Variants in CTNNA2 observed in about 807,000 individuals in gnomAD.
The protein encoded by CTNNA2 is catenin alpha 2.
Under a neutral mutation model 101.0 loss-of-function variants are expected in CTNNA2, and 42 were observed. The observed-to-expected ratio is 0.42, with a 90% CI of 0.32 to 0.54. CTNNA2 has a LOEUF of 0.54. Ranked by LOEUF, CTNNA2 falls within the 20% of genes least tolerant of loss-of-function variation. CTNNA2 has a pLI of 0.14. For missense variants in CTNNA2, 871 were observed against 1,223.1 expected, an observed-to-expected ratio of 0.71 and a Z score of 4.29; for synonymous variants, 450 against 456.4, an observed-to-expected ratio of 0.99 and a Z score of 0.18.
intron 3 of CTNNA2, among the ~76,000 whole-genome samples, chr2:79,352,915 G>T (rs1489691760): frequency 6.6e-6 from 1 of 152,154 alleles, no homozygotes; most frequent in Non-Finnish European, 1.5e-5. Flanking sequence ...AAGGCAAAGG[G>T]GAAGCAGTCC....
At chr2:79,838,839 G>A (rs1237844743) in intron 3 of CTNNA2, among the ~76,000 whole-genome samples, 3 of 151,588 alleles carry the variant, frequency 2.0e-5, no homozygotes, top group Non-Finnish European at 4.4e-5. Flanking sequence ...ATGATATTAT[G>A]TATAAGATAA....
At position 79,466,161 on chromosome 2, in the gene CTNNA2, C is replaced by A. The variant is rs140111986; in HGVS notation, c.-134-38893C>A. On this transcript the variant is annotated intron_variant, in intron 4 of 21. Transcript: ENST00000466387. ...CCAAGGGTAGCTGTGACAGACAGCA[C>A]CTGGAAAATCGGGTCACTCCCACCC... 3.3e-3 allele frequency among the ~76,000 whole-genome samples: 506 copies of A among 152,302 alleles called. 7 individuals carry two copies. The highest frequency in any genetic ancestry group is 0.011 in the African/African-American group (474 of 41,566).
intron 2 of CTNNA2, among the ~76,000 whole-genome samples, chr2:79,652,959 A>C (rs1681363373): frequency 6.6e-6 from 1 of 152,158 alleles, no homozygotes; most frequent in African/African-American, 2.4e-5. Flanking sequence ...TCTCTTTATA[A>C]TCTGTCCTTG....
intron 5 of CTNNA2, among the ~76,000 whole-genome samples, chr2:79,506,147 A>T (rs770487884): frequency 1.3e-5 from 2 of 152,170 alleles, no homozygotes; most frequent in Non-Finnish European, 2.9e-5. Context: ...ACTACAGGAA[A>T]ATAATGTGTG....
At chr2:80,338,967 G>A (rs1573766315) in intron 7 of CTNNA2, among the ~76,000 whole-genome samples, 1 of 152,196 alleles carries the variant, frequency 6.6e-6, no homozygotes, top group African/African-American at 2.4e-5. Flanking sequence ...TACAATCAGA[G>A]CTGGCTATTT....
At chr2:80,036,651 G>T (rs561060074) in intron 7 of CTNNA2, among the ~76,000 whole-genome samples, 1 of 152,164 alleles carries the variant, frequency 6.6e-6, no homozygotes, top group Non-Finnish European at 1.5e-5. Context: ...AAACACTCAA[G>T]GAGATAAACA....
chr2:80,166,773 A>G (rs570619080), intron 7 of CTNNA2, among the ~76,000 whole-genome samples: 45 of 152,052 alleles, frequency 3.0e-4, no homozygotes, highest in African/African-American at 1.1e-3. Flanking sequence ...ATTTGTATTA[A>G]CTCTGGGAAG....
At chr2:79,908,685 T>C (rs1189349057) in intron 6 of CTNNA2, among the ~76,000 whole-genome samples, 2 of 152,242 alleles carry the variant, frequency 1.3e-5, no homozygotes, top group African/African-American at 4.8e-5. Context: ...GTCTTCCTTT[T>C]TGATTCTGGT....
At chr2:79,600,056 A>T (rs1407570387) in intron 1 of CTNNA2, among the ~76,000 whole-genome samples, 2 of 152,218 alleles carry the variant, frequency 1.3e-5, no homozygotes. Flanking sequence ...TTACTTTCAG[A>T]ATGCAAATTA....
chr2:80,142,525 G>A (rs1027237683), intron 7 of CTNNA2, among the ~76,000 whole-genome samples: 3 of 152,168 alleles, frequency 2.0e-5, no homozygotes, highest in African/African-American at 7.2e-5. Flanking sequence ...GAAAGAAGAC[G>A]TAATGAAGCT....
intron 7 of CTNNA2, among the ~76,000 whole-genome samples, chr2:80,051,096 A>G (rs1432486328): frequency 6.6e-6 from 1 of 152,182 alleles, no homozygotes; most frequent in African/African-American, 2.4e-5. Context: ...ACCATGAAAT[A>G]CTATTCACAA....
chr2:80,545,506 A>C (rs941425250), intron 10 of CTNNA2, among the ~76,000 whole-genome samples: 32 of 152,060 alleles, frequency 2.1e-4, no homozygotes, highest in African/African-American at 6.5e-4. Flanking sequence ...GGATTGTGCC[A>C]CTATACTCTC....
rs182050607 is a variant in CTNNA2, at chr2:79,449,560, A to G, written c.-134-55494A>G. On this transcript the variant is annotated intron_variant, in intron 4 of 21. Transcript: ENST00000466387. ...AGAAAGGTAACTCGTTAAAAAATAA[A>G]AGAAGTACCATCAATGTTTACTGGA... Among the ~76,000 whole-genome samples, 153 of 152,184 alleles carry G rather than the reference A, an allele frequency of 1.0e-3. 1 individual carries two copies. Among genetic ancestry groups the G allele is most frequent in the Middle Eastern group, 3.4e-3 (1 of 292 alleles).
chr2:79,330,548 T>C (rs1676847987), intron 3 of CTNNA2, among the ~76,000 whole-genome samples: 1 of 152,102 alleles, frequency 6.6e-6, no homozygotes, highest in African/African-American at 2.4e-5. Flanking sequence ...CCTGGCTGGG[T>C]GATATAGTTT....
intron 18 of CTNNA2, among the ~76,000 whole-genome samples, chr2:80,636,499 A>T (rs947698335): frequency 6.6e-6 from 1 of 152,054 alleles, no homozygotes; most frequent in African/African-American, 2.4e-5. Flanking sequence ...GCTCCCTTTT[A>T]GGGGTAGTGA....
At chr2:80,238,216 C>T (rs1002062019) in intron 7 of CTNNA2, among the ~76,000 whole-genome samples, 2 of 151,956 alleles carry the variant, frequency 1.3e-5, no homozygotes, top group African/African-American at 2.4e-5. Context: ...TACTCAAGAT[C>T]ATTTGAGGCT....
At chr2:80,045,321 A>G (rs1397765155) in intron 7 of CTNNA2, among the ~76,000 whole-genome samples, 2 of 152,156 alleles carry the variant, frequency 1.3e-5, no homozygotes, top group African/African-American at 4.8e-5. Flanking sequence ...TAAAACTACC[A>G]TTGTCTCATC....
chr2:80,342,718 G>A (rs1239654138), intron 7 of CTNNA2, among the ~76,000 whole-genome samples: 1 of 151,666 alleles, frequency 6.6e-6, no homozygotes, highest in African/African-American at 2.4e-5. Context: ...CATGTTTTTT[G>A]TTTACTCATT....
At chr2:79,223,390 G>T (rs954680536) in intron 2 of CTNNA2, among the ~76,000 whole-genome samples, 4 of 152,146 alleles carry the variant, frequency 2.6e-5, no homozygotes, top group Non-Finnish European at 5.9e-5. Context: ...ATCCTGGGGG[G>T]ACTCAGACAG....
Sources: gnomAD v4.1 joint callset for allele counts (sites outside exome capture counted in the v4.1 genomes callset) on GRCh38, gnomAD v4.1.1 for gene constraint, MANE v1.5 for transcripts, NCBI Gene and HGNC (gene_info 2026-07-23, HGNC 2026-07-21) for gene names.